The following TPCN1 variants were observed in gnomAD, a reference collection of about 807,000 sequenced individuals.
TPCN1 encodes two pore segment channel 1.
TPCN1 carries 52 observed loss-of-function variants against 108.8 expected under a neutral mutation model. The observed-to-expected ratio is 0.48, with a 90% CI of 0.38 to 0.60. The LOEUF (loss-of-function observed/expected upper bound fraction) is 0.60. Among genes scored for constraint, TPCN1 ranks in the 20% least tolerant of loss-of-function variants. The pLI, the probability that TPCN1 is intolerant of heterozygous loss-of-function variation, is 0.00. For missense variants in TPCN1, 806 were observed against 1,072.8 expected (o/e 0.75, Z 3.47); for synonymous variants, 446 against 433.7 (o/e 1.03, Z -0.35).
At chr12:113,258,891 C>T (rs957742058) in intron 2 of TPCN1, among the ~76,000 whole-genome samples, 3 of 152,178 alleles carry the variant, frequency 2.0e-5, no homozygotes, top group Non-Finnish European at 4.4e-5. Context: ...GGCCTTTGAG[C>T]CCTGTCAGTC....
At chr12:113,251,955 C>G (rs763516090) in intron 2 of TPCN1, among the ~76,000 whole-genome samples, 5 of 152,184 alleles carry the variant, frequency 3.3e-5, no homozygotes, top group Admixed American at 3.3e-4. Flanking sequence ...CAAGAGGCCC[C>G]AAAGACCTCT....
chr12:113,223,247 C>G (rs1452661281), intron 1 of TPCN1, among the ~76,000 whole-genome samples: 1 of 152,190 alleles, frequency 6.6e-6, no homozygotes, highest in East Asian at 1.9e-4. Flanking sequence ...AAACGTTGTA[C>G]TGTTCCCTGT....
chr12:113,253,846 C>T (rs183526908), intron 2 of TPCN1, among the ~76,000 whole-genome samples: 98 of 152,274 alleles, frequency 6.4e-4, no homozygotes, highest in African/African-American at 2.3e-3. Flanking sequence ...AATGCGGTGG[C>T]CATTTATGGA....
intron 2 of TPCN1, among the ~76,000 whole-genome samples, chr12:113,239,009 C>T (rs1954001820): frequency 6.6e-6 from 1 of 152,034 alleles, no homozygotes; most frequent in Admixed American, 6.5e-5. Flanking sequence ...TGGTGCACAC[C>T]TGTAGTCTCA....
chr12:113,288,785 C>G lies in TPCN1; in HGVS notation c.1734C>G (p.Tyr578Ter). Residue 578 changes from tyrosine (Y) to a stop codon, truncating the protein, a stop_gained, in exon 21 of 28, where the codon TAC (tyrosine) becomes TAG (stop). Transcript: ENST00000335509. LOFTEE classifies it high-confidence loss of function. This position sits in a 1 kb window ranked among gnomAD's most constrained non-coding sequence, Gnocchi z 4.8. Reference protein sequence around the residue: ...ASLGLTLLIFYYSFAIVGMEF... With the variant: ...ASLGLTLLIF ...TGGGCCTCACCCTGCTCATCTTTTACTACTCCTTCGCCATCGTGGGCATGG... is the reference window on the plus strand; with the variant it reads ...TGGGCCTCACCCTGCTCATCTTTTAGTACTCCTTCGCCATCGTGGGCATGG... 6.2e-7 allele frequency: 1 copy of G among 1,613,342 alleles called. No homozygotes were observed.
At chr12:113,233,520 C>T (rs1953771088) in intron 2 of TPCN1, among the ~76,000 whole-genome samples, 1 of 152,242 alleles carries the variant, frequency 6.6e-6, no homozygotes, top group East Asian at 1.9e-4. Context: ...AGACAGCCCC[C>T]ACGCCGCCTT....
intron 18 of TPCN1, 40 bp downstream of exon 18, chr12:113,286,001 T>C: frequency 6.4e-7 from 1 of 1,562,758 alleles, no homozygotes; most frequent in African/African-American, 1.4e-5. Context: ...GCTGAGACTC[T>C]TGAGGATGGC....
chr12:113,233,317 G>A (rs1034954010), intron 2 of TPCN1, among the ~76,000 whole-genome samples: 6 of 152,196 alleles, frequency 3.9e-5, no homozygotes, highest in African/African-American at 9.7e-5. Context: ...CTGAGTTCAC[G>A]TTTCCTCTGA....
chr12:113,277,154 T>G (rs1269729915), intron 11 of TPCN1, 86 bp from the exon 12 acceptor site: 1 of 1,605,072 alleles, frequency 6.2e-7, no homozygotes, highest in Non-Finnish European at 8.5e-7. Context: ...CTTGGAAGAA[T>G]GAACAGAGCT....
rs184852553 is a variant in TPCN1, at chr12:113,238,371, T to C, written c.112+11407T>C. Among the ~76,000 whole-genome samples the C allele has an allele frequency of 2.6e-3, 399 of 152,338 alleles. 5 individuals are homozygous for C. Among genetic ancestry groups the C allele is most frequent in the African/African-American group, 9.0e-3 (373 of 41,566 alleles). ...GTCCTAGTTTTGGTGGCTTCCTGCT[T>C]CAGCAGCATTTGGAAGACTTGCAGA... On this transcript the variant is annotated intron_variant, in intron 2 of 27. Transcript: ENST00000335509.
In TPCN1 at chr12:113,226,770, C is replaced by T; in HGVS notation, c.-83C>T. On this transcript the variant is annotated 5_prime_UTR_variant, in exon 2 of 28. Transcript: ENST00000335509. ...GGAGTTTCTGAGCAGCACCCCTGGC[C>T]CAGTGGCTTTGAAAGGGAGCTCAAA... 6.3e-7 allele frequency: 1 copy of T among 1,597,990 alleles called. No individual in the cohort carries two copies. Among genetic ancestry groups the T allele is most frequent in the Non-Finnish European group, 8.5e-7 (1 of 1,171,884 alleles).
intron 14 of TPCN1, 79 bp downstream of exon 14, chr12:113,278,914 G>A (rs1593182402): frequency 1.5e-6 from 2 of 1,350,068 alleles, no homozygotes; most frequent in Non-Finnish European, 2.1e-6. Context: ...AAGCGTCTGA[G>A]GAGAGGTTCA....
chr12:113,283,818 T>C (rs965375712), intron 15 of TPCN1, among the ~76,000 whole-genome samples: 4 of 151,940 alleles, frequency 2.6e-5, no homozygotes, highest in African/African-American at 9.7e-5. Context: ...GGCCCACAGG[T>C]GCACACTACC....
chr12:113,245,223 C>T (rs75629913), intron 2 of TPCN1, among the ~76,000 whole-genome samples: 2,539 of 151,612 alleles, frequency 0.017, 89 homozygotes, highest in East Asian at 0.15. Context: ...GAGCCATGAT[C>T]GCACCACTGC....
chr12:113,265,956 G>T (rs1355585392), intron 3 of TPCN1, among the ~76,000 whole-genome samples: 5 of 152,112 alleles, frequency 3.3e-5, no homozygotes, highest in Non-Finnish European at 7.4e-5. Context: ...CCTCCGAGTG[G>T]TTTTTAAGAA....
intron 14 of TPCN1, among the ~76,000 whole-genome samples, chr12:113,279,382 TA>T (rs1566189501): frequency 4.9e-3 from 179 of 36,504 alleles, no homozygotes; most frequent in African/African-American, 0.011. Context: ...TATATATATA[TA>T]TATATATATT....
chr12:113,274,115 G>A (rs7296638), intron 10 of TPCN1, among the ~76,000 whole-genome samples: 4,962 of 152,248 alleles, frequency 0.033, 229 homozygotes, highest in East Asian at 0.15. Flanking sequence ...AAATTATCCT[G>A]CATTACCTAT....
rs1956324493 is a variant in TPCN1, at chr12:113,293,217, G to A, written c.2254-52G>A. The A allele has an allele frequency of 8.1e-6, 13 of 1,607,254 alleles. 1 individual carries two copies. Among genetic ancestry groups the A allele is most frequent in the Admixed American group, 3.3e-5 (2 of 60,010 alleles). Reference sequence around the variant, plus strand: ...GGGAGACGCCAACTGTGGCACCAGGGGTGGGACCTGAATATCTGCAGCCGA... The same window carrying A: ...GGGAGACGCCAACTGTGGCACCAGGAGTGGGACCTGAATATCTGCAGCCGA... On this transcript the variant is annotated intron_variant, in intron 26 of 27. Coordinates refer to ENST00000335509, the MANE Select transcript of TPCN1 (RefSeq NM_017901.6).
chr12:113,234,560 G>T (rs1315550380), intron 2 of TPCN1, among the ~76,000 whole-genome samples: 1 of 152,188 alleles, frequency 6.6e-6, no homozygotes, highest in Non-Finnish European at 1.5e-5. Flanking sequence ...GTTGCCTTTT[G>T]TACCGGGTAC....
Sources: allele counts gnomAD v4.1 joint callset (sites outside exome capture counted in the v4.1 genomes callset), GRCh38; gene constraint gnomAD v4.1.1; non-coding constraint Gnocchi (gnomAD v3.1); transcripts MANE v1.5; gene names NCBI Gene and HGNC (gene_info 2026-07-23, HGNC 2026-07-21).